The following AGAP1 variants were observed in gnomAD, a reference collection of about 807,000 sequenced individuals.
The protein encoded by AGAP1 is ArfGAP with GTPase domain, ankyrin repeat and PH domain 1.
A neutral mutation model predicts 105.3 loss-of-function variants in AGAP1; 29 were observed. The observed-to-expected ratio is 0.28, with a 90% CI of 0.21 to 0.38. AGAP1 has a LOEUF of 0.38. AGAP1 is among the 10% of genes least tolerant of loss of function. AGAP1 has a pLI of 1.00. For synonymous variants in AGAP1, 509 were observed against 485.9 expected (o/e 1.05, Z -0.63); for missense variants, 998 against 1,165.1 (o/e 0.86, Z 2.09).
In AGAP1 at chr2:235,623,317, A is replaced by G. The variant is rs1342358582; in HGVS notation, c.164-85862A>G. 6.6e-6 allele frequency among the ~76,000 whole-genome samples: 1 copy of G among 152,214 alleles called. No individual in the cohort carries two copies. The highest frequency in any genetic ancestry group is 1.5e-5 in the Non-Finnish European group (1 of 68,046). ...GTCAAATGAATCTGGGCGTTAGCCT[A>G]CAAATCAAGATTTGCTTTGCCTCGT... On this transcript the variant is annotated intron_variant, in intron 1 of 17. Coordinates refer to ENST00000304032, the MANE Select transcript of AGAP1 (RefSeq NM_001037131.3). The surrounding 1 kb of genome is among the most constrained non-coding windows in gnomAD (Gnocchi z 4.5).
chr2:235,779,473 A>G (rs1956123504), intron 6 of AGAP1, among the ~76,000 whole-genome samples: 1 of 152,192 alleles, frequency 6.6e-6, no homozygotes, highest in African/African-American at 2.4e-5. Context: ...GGCTCTTCGA[A>G]TGCCATATTT....
At chr2:235,561,707 A>G (rs1171577388) in intron 1 of AGAP1, among the ~76,000 whole-genome samples, 3 of 152,198 alleles carry the variant, frequency 2.0e-5, no homozygotes, top group Non-Finnish European at 4.4e-5. Flanking sequence ...ACTTAAATAG[A>G]GGCCCATTAC....
At chr2:236,033,648 A>T (rs532362258) in intron 13 of AGAP1, among the ~76,000 whole-genome samples, 19 of 152,348 alleles carry the variant, frequency 1.2e-4, no homozygotes, top group African/African-American at 4.6e-4. Context: ...TTTAGAGGGC[A>T]CAGGCTTCTC....
chr2:235,713,914 G>T, intron 2 of AGAP1, among the ~76,000 whole-genome samples: 1 of 152,172 alleles, frequency 6.6e-6, no homozygotes, highest in South Asian at 2.1e-4. Flanking sequence ...GTCTTTCTCA[G>T]GCCTCTTCTA....
At chr2:235,679,196 C>G (rs1319880801) in intron 1 of AGAP1, among the ~76,000 whole-genome samples, 1 of 152,212 alleles carries the variant, frequency 6.6e-6, no homozygotes, top group African/African-American at 2.4e-5. Context: ...GCCTAGTTAT[C>G]TACATCCCTG....
chr2:235,623,691 C>T lies in AGAP1; in HGVS notation c.164-85488C>T, dbSNP rs1230391271. Among the ~76,000 whole-genome samples the T allele has an allele frequency of 6.6e-6, 1 of 152,130 alleles. No individual in the cohort carries two copies. The highest frequency in any genetic ancestry group is 2.4e-5 in the African/African-American group (1 of 41,426). On this transcript the variant is annotated intron_variant, in intron 1 of 17. Coordinates refer to ENST00000304032, the MANE Select transcript of AGAP1 (RefSeq NM_001037131.3). The surrounding 1 kb of genome is among the most constrained non-coding windows in gnomAD (Gnocchi z 4.5). ...ATTTTTTGACTTTTGGATCTTCACTCCTCCCCTCATTTTGGACATTTTCTC... is the reference window on the plus strand; with the variant it reads ...ATTTTTTGACTTTTGGATCTTCACTTCTCCCCTCATTTTGGACATTTTCTC...
chr2:236,003,620 T>A lies in AGAP1; in HGVS notation c.1646-32941T>A. Among the ~76,000 whole-genome samples, 1 of 152,232 alleles carries A rather than the reference T, an allele frequency of 6.6e-6. No individual in the cohort carries two copies. The highest frequency in any genetic ancestry group is 1.5e-5 in the Non-Finnish European group (1 of 68,016). Reference sequence around the variant, plus strand: ...CATCCAAGCTCCCTCCACCCCACACTCTCCCTTGGATTTGCGCCTGTTCTT... The same window carrying A: ...CATCCAAGCTCCCTCCACCCCACACACTCCCTTGGATTTGCGCCTGTTCTT... On this transcript the variant is annotated intron_variant, in intron 13 of 17. Transcript: ENST00000304032. The surrounding 1 kb of genome is among the most constrained non-coding windows in gnomAD (Gnocchi z 4.2).
At chr2:235,813,499 C>G (rs1214771015) in intron 9 of AGAP1, among the ~76,000 whole-genome samples, 1 of 152,226 alleles carries the variant, frequency 6.6e-6, no homozygotes, top group Non-Finnish European at 1.5e-5. Context: ...GTTCCTTTAT[C>G]TCCCTCGCAG....
At chr2:235,516,516 C>T (rs1016901728) in intron 1 of AGAP1, among the ~76,000 whole-genome samples, 8 of 152,174 alleles carry the variant, frequency 5.3e-5, no homozygotes, top group Non-Finnish European at 1.0e-4. Flanking sequence ...TTTGGAGCCT[C>T]TGTTTCCTCT....
At chr2:235,698,195 C>T (rs934863675) in intron 1 of AGAP1, among the ~76,000 whole-genome samples, 1 of 152,084 alleles carries the variant, frequency 6.6e-6, no homozygotes, top group Non-Finnish European at 1.5e-5. Context: ...CTAATGCCGC[C>T]GCTGATATGA....
At chr2:236,041,933 CTG>C (rs2125683716) in intron 15 of AGAP1, among the ~76,000 whole-genome samples, 1 of 152,264 alleles carries the variant, frequency 6.6e-6, no homozygotes, top group Admixed American at 6.5e-5. Flanking sequence ...GAAGGAATCA[CTG>C]TGAGCAAAGG....
At chr2:235,670,772 G>T in intron 1 of AGAP1, 4 of 1,169,568 alleles carry the variant, frequency 3.4e-6, no homozygotes, top group Non-Finnish European at 3.6e-6. Flanking sequence ...CGCGCTCTCG[G>T]ACCTGGAGCG....
chr2:235,710,771 G>A (rs532376065), intron 2 of AGAP1, among the ~76,000 whole-genome samples: 27 of 152,282 alleles, frequency 1.8e-4, no homozygotes, highest in African/African-American at 4.6e-4. Flanking sequence ...GAACAATCCC[G>A]CAGTTTCCGT....
Position 235,887,469 on chromosome 2 carries a change from A to G in AGAP1, c.1155+4020A>G, listed in dbSNP as rs2050325561. 1.3e-5 allele frequency among the ~76,000 whole-genome samples: 2 copies of G among 152,108 alleles called. No homozygotes were observed. Among genetic ancestry groups the G allele is most frequent in the African/African-American group, 4.8e-5 (2 of 41,428 alleles). ...ATCAAGTCATTAAAAGTAGATGTTA[A>G]CCTGTCAGTGGACCAGAATAACTCC... On this transcript the variant is annotated intron_variant, in intron 10 of 17. Coordinates refer to ENST00000304032, the MANE Select transcript of AGAP1 (RefSeq NM_001037131.3). This position sits in a 1 kb window ranked among gnomAD's most constrained non-coding sequence, Gnocchi z 4.1.
At chr2:235,955,152 G>A (rs897402514) in intron 12 of AGAP1, among the ~76,000 whole-genome samples, 8 of 152,186 alleles carry the variant, frequency 5.3e-5, no homozygotes, top group South Asian at 2.1e-4. Context: ...CCAGGGTCAC[G>A]TGGCCAGGTG....
intron 11 of AGAP1, among the ~76,000 whole-genome samples, chr2:235,918,033 T>G (rs1209776371): frequency 6.6e-6 from 1 of 152,190 alleles, no homozygotes; most frequent in Non-Finnish European, 1.5e-5. Flanking sequence ...TTATAATAAC[T>G]CTGGAGTCCG....
chr2:236,005,472 A>G lies in AGAP1; in HGVS notation c.1646-31089A>G, dbSNP rs1823793. ...CTGTTAATTTACCTCTTTCATTAGT[A>G]TGGTACATTTCTTAGAGTTCATGAG... On this transcript the variant is annotated intron_variant, in intron 13 of 17. Transcript: ENST00000304032. This position sits in a 1 kb window ranked among gnomAD's most constrained non-coding sequence, Gnocchi z 4.1. Among the ~76,000 whole-genome samples, 32,003 of 152,012 alleles carry G rather than the reference A, an allele frequency of 0.21. 3,624 individuals carry two copies. The highest frequency in any genetic ancestry group is 0.28 in the South Asian group (1,370 of 4,812).
At chr2:235,794,590 G>C (rs1412954808) in intron 6 of AGAP1, among the ~76,000 whole-genome samples, 1 of 152,124 alleles carries the variant, frequency 6.6e-6, no homozygotes, top group Non-Finnish European at 1.5e-5. Context: ...TCGTGCCTCA[G>C]CCTCCCAAGT....
intron 1 of AGAP1, chr2:235,671,003 C>G (rs1005994206): frequency 3.0e-6 from 4 of 1,322,734 alleles, no homozygotes; most frequent in Non-Finnish European, 3.9e-6. Flanking sequence ...GCGGCGGGCC[C>G]CGGCCGAAGC....
Sources: allele counts gnomAD v4.1 joint callset (sites outside exome capture counted in the v4.1 genomes callset), GRCh38; gene constraint gnomAD v4.1.1; non-coding constraint Gnocchi (gnomAD v3.1); transcripts MANE v1.5; gene names NCBI Gene and HGNC (gene_info 2026-07-23, HGNC 2026-07-21).